The following PCDHGA3 variants were observed in gnomAD, a reference collection of about 807,000 sequenced individuals.
PCDHGA3 encodes the protein protocadherin gamma-A3.
In PCDHGA3, 40 loss-of-function variants were observed where a neutral mutation model predicts 58.5. The observed-to-expected ratio is 0.68, with a 90% confidence interval of 0.53 to 0.89. The LOEUF (loss-of-function observed/expected upper bound fraction) is 0.89, where lower values mean the gene tolerates loss of function less well. Ranked by LOEUF, PCDHGA3 falls within the 40% of genes least tolerant of loss-of-function variation. PCDHGA3 has a pLI of 0.00. For missense variants in PCDHGA3, 1,223 were observed against 1,195.9 expected, an observed-to-expected ratio of 1.02 and a Z score of -0.33; for synonymous variants, 530 against 525.7, an observed-to-expected ratio of 1.01 and a Z score of -0.11.
chr5:141,349,240 T>TTG (rs1758259176), intron 1 of PCDHGA3, among the ~76,000 whole-genome samples: 1 of 98,034 alleles, frequency 1.0e-5, no homozygotes, highest in Admixed American at 1.1e-4. Flanking sequence ...TGGATAATTT[T>TTG]TATTTTTTTT....
intron 1 of PCDHGA3, chr5:141,421,504 C>A (rs757410882): frequency 1.2e-6 from 2 of 1,614,062 alleles, no homozygotes; most frequent in Admixed American, 1.7e-5. Context: ...CAGGATAGAC[C>A]GGGAGGAGCT....
In PCDHGA3 at chr5:141,442,072, C is replaced by G. The variant is rs1034351866; in HGVS notation, c.2425-52735C>G. On this transcript the variant is annotated intron_variant, in intron 1 of 3. Transcript: ENST00000253812. ...GTCGCGGTGCACTGCGGTGGACAGC[C>G]GCTCCTCTCGCTACCGCCACGTCAC... 17 of 175,092 alleles carry G rather than the reference C, an allele frequency of 9.7e-5. No homozygotes were observed. The South Asian group carries it at 1.5e-3, about 16-fold the overall frequency. 10.8% of individuals were successfully genotyped at this position (175,092 alleles called of 1,614,324 possible). A position where few individuals can be genotyped will look rare whatever the true frequency, so the allele number is the denominator to read the frequency against.
At chr5:141,471,078 T>C (rs1370939177) in intron 1 of PCDHGA3, among the ~76,000 whole-genome samples, 1 of 142,250 alleles carries the variant, frequency 7.0e-6, no homozygotes, top group Non-Finnish European at 1.5e-5. Context: ...AGACAGGGTC[T>C]CCCTCTGTTG....
intron 1 of PCDHGA3, chr5:141,352,752 G>A: frequency 7.2e-7 from 1 of 1,382,970 alleles, no homozygotes. Context: ...CACTTAACCA[G>A]GCTGAGGCAG....
In PCDHGA3 at chr5:141,395,340, G is replaced by C. The variant is rs529007241; in HGVS notation, c.2424+48883G>C. 3 of 1,419,480 alleles carry C rather than the reference G, an allele frequency of 2.1e-6. No individual in the cohort carries two copies. In the African/African-American group the frequency reaches 4.3e-5, roughly 20 times the overall value. The allele number at this position is 1,419,480 out of a possible 1,614,324, so 87.9% of individuals were successfully genotyped here. On this transcript the variant is annotated intron_variant, in intron 1 of 3. Transcript: ENST00000253812. ...GAAGATAGTTGAAAATAATTTTTAA[G>C]GTGTATCACAGAGTTTTGGGTTTAT...
At chr5:141,401,802 A>C (rs1030250595) in intron 1 of PCDHGA3, among the ~76,000 whole-genome samples, 162 of 152,148 alleles carry the variant, frequency 1.1e-3, no homozygotes, top group African/African-American at 3.7e-3. Context: ...TGATTCAGTA[A>C]ATGGGTTCCT....
At chr5:141,416,832 A>T (rs2154546669) in intron 1 of PCDHGA3, 1 of 152,168 alleles carries the variant, frequency 6.6e-6, no homozygotes, top group East Asian at 1.9e-4. Context: ...GTTTCTCAAG[A>T]CCCTTATAAT....
At chr5:141,495,558 A>G (rs2099762084) in intron 2 of PCDHGA3, among the ~76,000 whole-genome samples, 1 of 151,662 alleles carries the variant, frequency 6.6e-6, no homozygotes, top group Admixed American at 6.6e-5. Flanking sequence ...TCGCTTTGCA[A>G]TCTCTGCCTC....
In PCDHGA3 at chr5:141,402,956, G is replaced by A. The variant is rs1276206622; in HGVS notation, c.2424+56499G>A. Reference sequence around the variant, plus strand: ...AAAATTCCAAAGCGAGGCAGCAATGGCAGCTCCAACCAAATGCCAGCTCCG... The same window carrying A: ...AAAATTCCAAAGCGAGGCAGCAATGACAGCTCCAACCAAATGCCAGCTCCG... On this transcript the variant is annotated intron_variant, in intron 1 of 3. Coordinates refer to ENST00000253812, the MANE Select transcript of PCDHGA3 (RefSeq NM_018916.4). 1.2e-6 allele frequency: 2 copies of A among 1,601,842 alleles called. No individual in the cohort carries two copies. The highest frequency in any genetic ancestry group is 2.7e-5 in the African/African-American group (2 of 74,454).
At chr5:141,351,915 A>G (rs761580776) in intron 1 of PCDHGA3, 18 of 1,613,262 alleles carry the variant, frequency 1.1e-5, no homozygotes, top group African/African-American at 1.3e-5. Flanking sequence ...GGCGACCTCA[A>G]TGACAATGCG....
intron 1 of PCDHGA3, chr5:141,352,504 C>A: frequency 6.2e-7 from 1 of 1,614,056 alleles, no homozygotes; most frequent in Non-Finnish European, 8.5e-7. Flanking sequence ...CCTATTCCTA[C>A]AATCTATGTA....
chr5:141,369,396 G>A (rs1561544018), intron 1 of PCDHGA3, among the ~76,000 whole-genome samples: 1 of 152,160 alleles, frequency 6.6e-6, no homozygotes, highest in East Asian at 1.9e-4. Context: ...TTGGGCCAGG[G>A]TGGTTCATGA....
Position 141,505,424 on chromosome 5 carries a change from C to T in PCDHGA3, c.2515C>T (p.Pro839Ser), listed in dbSNP as rs1422538114. The T allele has an allele frequency of 1.2e-6, 2 of 1,614,200 alleles. No individual in the cohort carries two copies. Among genetic ancestry groups the T allele is most frequent in the Non-Finnish European group, 1.7e-6 (2 of 1,180,028 alleles). Residue 839 changes from proline (P) to serine (S), a missense_variant, in exon 3 of 4, where the codon CCC (proline) becomes TCC (serine). Pro to Ser is a moderately conservative substitution (Grantham distance 74). Transcript: ENST00000253812. ...AAATGGCGATGACACCGGCACCTGG[C>T]CCAACAACCAGTTTGACACAGAGAT... is the stretch of plus-strand genomic sequence containing the variant. ...SQNGDDTGTW[P>S]NNQFDTEMLQ...
chr5:141,398,915 A>G, intron 1 of PCDHGA3: 1 of 1,614,002 alleles, frequency 6.2e-7, no homozygotes, highest in Non-Finnish European at 8.5e-7. Context: ...ACTGTGTTGC[A>G]AGTGTCAGCC....
chr5:141,371,438 C>T (rs1441229232), intron 1 of PCDHGA3: 3 of 1,613,764 alleles, frequency 1.9e-6, no homozygotes, highest in African/African-American at 1.3e-5. Flanking sequence ...CGGAGATAAC[C>T]CTGGCTTCTG....
chr5:141,384,673 G>A (rs1029531424), intron 1 of PCDHGA3: 2 of 1,614,108 alleles, frequency 1.2e-6, no homozygotes, highest in South Asian at 1.1e-5. Context: ...GACCAAGGTG[G>A]TGGCGGTGGA....
intron 1 of PCDHGA3, chr5:141,430,984 C>A (rs765063685): frequency 6.2e-7 from 1 of 1,613,648 alleles, no homozygotes; most frequent in South Asian, 1.1e-5. Flanking sequence ...CGCAGCTTTT[C>A]GCCCTGAATC....
At chr5:141,398,606 C>T in intron 1 of PCDHGA3, 1 of 1,614,000 alleles carries the variant, frequency 6.2e-7, no homozygotes, top group Non-Finnish European at 8.5e-7. Context: ...GCAGAAGATG[C>T]AGATATTGGC....
In PCDHGA3 at chr5:141,476,042, T is replaced by C. The variant is rs199923442; in HGVS notation, c.2425-18765T>C. On this transcript the variant is annotated intron_variant, in intron 1 of 3. Coordinates refer to ENST00000253812, the MANE Select transcript of PCDHGA3 (RefSeq NM_018916.4). The surrounding 1 kb of genome is among the most constrained non-coding windows in gnomAD (Gnocchi z 7.6). Reference sequence around the variant, plus strand: ...GACTCGGCGCCCAGCGCCCAAGCGCTAACCCGCTGAAAGTTTCTCAGCGAA... The same window carrying C: ...GACTCGGCGCCCAGCGCCCAAGCGCCAACCCGCTGAAAGTTTCTCAGCGAA... 1.4e-5 allele frequency: 21 copies of C among 1,491,832 alleles called. No individual in the cohort carries two copies. The highest frequency in any genetic ancestry group is 2.7e-6 in the Non-Finnish European group (3 of 1,123,808). 92.4% of individuals were successfully genotyped at this position (1,491,832 alleles called of 1,614,324 possible). A position where few individuals can be genotyped will look rare whatever the true frequency, so the allele number is the denominator to read the frequency against.
Sources: gnomAD v4.1 joint callset for allele counts (sites outside exome capture counted in the v4.1 genomes callset) on GRCh38, gnomAD v4.1.1 for gene constraint, Gnocchi (gnomAD v3.1) non-coding constraint, MANE v1.5 for transcripts, NCBI Gene and HGNC (gene_info 2026-07-23, HGNC 2026-07-21) for gene names.